CLCN7: variants seen among roughly 807,000 people sequenced by gnomAD.
The protein encoded by CLCN7 is H(+)/Cl(-) exchange transporter 7.
CLCN7 carries 60 observed loss-of-function variants against 102.1 expected under a neutral mutation model. The observed-to-expected ratio is 0.59, with a 90% CI of 0.48 to 0.73. CLCN7 has a LOEUF of 0.73. Ranked by LOEUF, CLCN7 falls within the 30% of genes least tolerant of loss-of-function variation. CLCN7 has a pLI of 0.00. For missense variants in CLCN7, 962 were observed against 1,125.7 expected (o/e 0.85, Z 2.08); for synonymous variants, 560 against 490.5 (o/e 1.14, Z -1.87).
At chr16:1,452,073 G>A (rs1424895993) in intron 15 of CLCN7, 5 of 341,262 alleles carry the variant, frequency 1.5e-5, no homozygotes, top group Admixed American at 3.9e-5. Flanking sequence ...GGCTGTTGGC[G>A]CCCCGGTGCC....
Position 1,454,439 on chromosome 16 carries a change from G to A in CLCN7, c.1125C>T (p.Ile375=), listed in dbSNP as rs1410701535. The A allele has an allele frequency of 1.9e-6, 3 of 1,613,750 alleles. No individual in the cohort carries two copies. ...CCACGCCCATGGCGATGAAGACCGG[G>A]ATCTCGTGGATCGTGTAGGCCATTT... ...SEKMAYTIHE[I]PVFIAMGVVG... is the part of the protein sequence containing the mutation. Residue 375 remains isoleucine (I), a synonymous_variant, in exon 13 of 25, where the codon ATC becomes ATT. Transcript: ENST00000382745.
intron 2 of CLCN7, among the ~76,000 whole-genome samples, chr16:1,462,676 A>AAAC (rs755256925): frequency 0.35 from 49,347 of 140,218 alleles, 9,183 homozygotes; most frequent in Non-Finnish European, 0.42. Flanking sequence ...AAAAAAAAAA[A>AAAC]AAAAAAAAAA....
chr16:1,448,562 T>G, intron 20 of CLCN7, 78 bp from the exon 21 acceptor site: 1 of 1,601,662 alleles, frequency 6.2e-7, no homozygotes, highest in Admixed American at 1.7e-5. Context: ...TGGTGAGGTG[T>G]GAAGCCGCTG....
At chr16:1,465,436 T>G in intron 1 of CLCN7, 98 bp from the exon 2 acceptor site, 2 of 1,099,204 alleles carry the variant, frequency 1.8e-6, no homozygotes, top group Non-Finnish European at 2.7e-6. Flanking sequence ...CGCCTGACCC[T>G]GCCCGGGAGC....
At chr16:1,473,408 G>C (rs1032323312) in intron 1 of CLCN7, among the ~76,000 whole-genome samples, 9 of 112,954 alleles carry the variant, frequency 8.0e-5, no homozygotes, top group Non-Finnish European at 1.5e-4. Flanking sequence ...ACGGAGTCTC[G>C]CTCTGCCCAG....
intron 1 of CLCN7, among the ~76,000 whole-genome samples, chr16:1,470,208 G>A (rs1395445965): frequency 1.3e-5 from 2 of 152,350 alleles, no homozygotes; most frequent in African/African-American, 4.8e-5. Flanking sequence ...TGTTGCCCAG[G>A]CTGGTCTCTA....
At position 1,446,048 on chromosome 16, in the gene CLCN7, C is replaced by T; in HGVS notation, c.*583G>A. 1 of 577,332 alleles carries T rather than the reference C, an allele frequency of 1.7e-6. No homozygotes were observed. The highest frequency in any genetic ancestry group is 2.2e-5 in the South Asian group (1 of 45,888). The allele number at this position is 577,332 out of a possible 1,614,324, so 35.8% of individuals were successfully genotyped here. ...CAGGCCGGGGAGTGCACGTGGGGCT[C>T]CTCTGTGGCGCCAGTGTGAAGCTGC... On this transcript the variant is annotated 3_prime_UTR_variant, in exon 25 of 25. Transcript: ENST00000382745.
Position 1,455,904 on chromosome 16 carries a change from T to A in CLCN7, c.917-109A>T, listed in dbSNP as rs540497564. 1.1e-5 allele frequency: 14 copies of A among 1,271,938 alleles called. No individual in the cohort carries two copies. The Admixed American group carries it at 2.6e-4, about 24-fold the overall frequency. The allele number at this position is 1,271,938 out of a possible 1,614,324, so 78.8% of individuals were successfully genotyped here. On this transcript the variant is annotated intron_variant, in intron 10 of 24. Coordinates refer to ENST00000382745, the MANE Select transcript of CLCN7 (RefSeq NM_001287.6). ...AACCCAGACCACGTCAGAAAGAAGC[T>A]AATGGGGTGGGCCCCAGCCACACAG...
Position 1,461,689 on chromosome 16 carries a change from G to A in CLCN7, c.214-15C>T, listed in dbSNP as rs1424694312. The stretch of plus-strand genomic sequence containing the variant: ...GGGTCCATATCCTGTGGCAGAAAAA[G>A]GCAAAGAGAGAAGCACAGTTGACAA... On this transcript the variant is annotated splice_polypyrimidine_tract_variant and intron_variant, in intron 2 of 24. Coordinates refer to ENST00000382745, the MANE Select transcript of CLCN7 (RefSeq NM_001287.6). 9.9e-6 allele frequency: 16 copies of A among 1,612,058 alleles called. No homozygotes were observed. The highest frequency in any genetic ancestry group is 1.4e-5 in the Non-Finnish European group (16 of 1,178,554).
In CLCN7 at chr16:1,459,124, G is replaced by T. The variant is rs1246782459; in HGVS notation, c.658C>A (p.His220Asn). The change falls in exon 7 of 25, where the codon CAC (histidine) becomes AAC (asparagine). Residue 220 changes from histidine (H) to asparagine (N), a missense_variant. His to Asn is a moderately conservative substitution (Grantham distance 68). This residue lies in a region of CLCN7 where 799 missense variants were observed against 988.0 expected (regional missense o/e 0.81). Transcript: ENST00000382745. ...ACCCTCACCTTGAGCCGCACCACGTGGGGGATCTTCACCCCGTTGAGGAAG... is the reference window on the plus strand; with the variant it reads ...ACCCTCACCTTGAGCCGCACCACGTTGGGGATCTTCACCCCGTTGAGGAAG... ...KCFLNGVKIP[H>N]VVRLKTLVIK... 6.2e-7 allele frequency: 1 copy of T among 1,612,288 alleles called. No homozygotes were observed. Among genetic ancestry groups the T allele is most frequent in the South Asian group, 1.1e-5 (1 of 90,974 alleles).
Position 1,457,942 on chromosome 16 carries a change from G to A in CLCN7, c.676-186C>T, listed in dbSNP as rs553627800. Among the ~76,000 whole-genome samples the A allele has an allele frequency of 1.2e-4, 18 of 152,282 alleles. No homozygotes were observed. Among genetic ancestry groups the A allele is most frequent in the South Asian group, 8.3e-4 (4 of 4,830 alleles). ...CAGTGGAGCTAAACAGCAGCCAAGC[G>A]TCCCCCGCACTCACTCGGGGGACCT... On this transcript the variant is annotated intron_variant, in intron 7 of 24. Transcript: ENST00000382745. This position sits in a 1 kb window ranked among gnomAD's most constrained non-coding sequence, Gnocchi z 5.4.
intron 7 of CLCN7, 130 bp downstream of exon 7, chr16:1,458,977 C>G (rs2038882970): frequency 2.8e-5 from 20 of 710,896 alleles, no homozygotes; most frequent in Admixed American, 5.7e-5. Flanking sequence ...GCCAGCCCAT[C>G]TGCACACAGT....
chr16:1,464,281 C>T (rs895600644), intron 2 of CLCN7, among the ~76,000 whole-genome samples: 12 of 152,212 alleles, frequency 7.9e-5, no homozygotes, highest in Admixed American at 3.3e-4. Context: ...GCCAGGCACC[C>T]GCTCCAGGGT....
intron 4 of CLCN7, among the ~76,000 whole-genome samples, 170 bp downstream of exon 4, chr16:1,461,235 C>G (rs750278958): frequency 3.3e-5 from 5 of 152,228 alleles, no homozygotes; most frequent in African/African-American, 1.2e-4. Flanking sequence ...TTACGGTGAC[C>G]GTGACCCTCC....
rs577896553 is a variant in CLCN7 at position 1,459,338 on chromosome 16, G to A, written c.595-151C>T. The A allele has an allele frequency of 1.6e-5, 10 of 621,840 alleles. No homozygotes were observed. The East Asian group carries it at 1.7e-4, about 11-fold the overall frequency. 38.5% of individuals were successfully genotyped at this position (621,840 alleles called of 1,614,324 possible). ...TCAGCACACAAACGTCGGGGCCCCA[G>A]GGAAGGGAAGAGCAGCACACACGTC... is the stretch of plus-strand genomic sequence containing the variant. On this transcript the variant is annotated intron_variant, in intron 6 of 24. Transcript: ENST00000382745.
At chr16:1,471,510 C>T (rs891777958) in intron 1 of CLCN7, 1 of 152,246 alleles carries the variant, frequency 6.6e-6, no homozygotes, top group African/African-American at 2.4e-5. Flanking sequence ...GACCCTCCCC[C>T]AGAAAAGCAG....
At chr16:1,448,646 A>T (rs778590639) in intron 20 of CLCN7, 35 bp downstream of exon 20, 13 of 1,610,640 alleles carry the variant, frequency 8.1e-6, no homozygotes, top group Non-Finnish European at 1.0e-5. Flanking sequence ...GCCGCTGGAC[A>T]CCCTCCCCAC....
chr16:1,464,340 C>T (rs187940553), intron 2 of CLCN7, among the ~76,000 whole-genome samples: 8 of 152,340 alleles, frequency 5.3e-5, no homozygotes, highest in Admixed American at 5.2e-4. Context: ...GGCTTTTTCC[C>T]TTCTCTCCCA....
At chr16:1,472,562 G>A (rs1403064703) in intron 1 of CLCN7, 1 of 151,986 alleles carries the variant, frequency 6.6e-6, no homozygotes, top group Non-Finnish European at 1.5e-5. Flanking sequence ...GAGATCAACA[G>A]ATTATTTCCC....
Sources: gnomAD v4.1 joint callset for allele counts (sites outside exome capture counted in the v4.1 genomes callset) on GRCh38, gnomAD v4.1.1 for gene constraint, gnomAD v4.1.1 regional missense constraint, Gnocchi (gnomAD v3.1) non-coding constraint, MANE v1.5 for transcripts, NCBI Gene and HGNC (gene_info 2026-07-23, HGNC 2026-07-21) for gene names.